The following CTNNA3 variants were observed in gnomAD, a reference collection of about 807,000 sequenced individuals.
CTNNA3 encodes catenin alpha 3.
In CTNNA3, 76 loss-of-function variants were observed where a neutral mutation model predicts 95.7. That is an observed-to-expected ratio of 0.79 (90% confidence interval 0.66 to 0.96). The LOEUF (loss-of-function observed/expected upper bound fraction) is 0.96, where lower values mean the gene tolerates loss of function less well. Ranked by LOEUF, CTNNA3 falls within the 40% of genes least tolerant of loss-of-function variation. The pLI, the probability that CTNNA3 is intolerant of heterozygous loss-of-function variation, is 0.00. For synonymous variants in CTNNA3, 431 were observed against 374.4 expected (o/e 1.15, Z -1.74); for missense variants, 1,191 against 1,089.8 (o/e 1.09, Z -1.31).
intron 11 of CTNNA3, among the ~76,000 whole-genome samples, chr10:66,473,360 C>G (rs1405366855): frequency 6.6e-6 from 1 of 151,840 alleles, no homozygotes; most frequent in Non-Finnish European, 1.5e-5. Context: ...CTGCCTTGCT[C>G]CTCATGCTTC....
intron 15 of CTNNA3, among the ~76,000 whole-genome samples, chr10:66,024,084 C>CTTTTTTTTTTTTTTT (rs1183185763): frequency 1.8e-4 from 11 of 62,678 alleles, no homozygotes; most frequent in East Asian, 5.9e-4. Flanking sequence ...ATACCATACA[C>CTTTTTTTTTTTTTTT]ATTTTTTTTT....
intron 7 of CTNNA3, among the ~76,000 whole-genome samples, chr10:66,830,487 G>T (rs1261796944): frequency 1.3e-5 from 2 of 152,108 alleles, no homozygotes; most frequent in Non-Finnish European, 2.9e-5. Flanking sequence ...GCAAAACTGG[G>T]GTTTAAATTC....
At chr10:65,942,112 T>C (rs1161565171) in intron 17 of CTNNA3, among the ~76,000 whole-genome samples, 5 of 152,362 alleles carry the variant, frequency 3.3e-5, no homozygotes, top group Middle Eastern at 6.8e-3. Flanking sequence ...TCTATACTTA[T>C]CTGTTCATGT....
intron 11 of CTNNA3, among the ~76,000 whole-genome samples, chr10:66,497,915 G>A (rs549551873): frequency 1.3e-5 from 2 of 152,182 alleles, no homozygotes; most frequent in South Asian, 2.1e-4. Flanking sequence ...GTCCACTAGC[G>A]ATTGGATTGT....
At chr10:67,658,217 C>G (rs553238085) in intron 1 of CTNNA3, among the ~76,000 whole-genome samples, 17 of 152,298 alleles carry the variant, frequency 1.1e-4, no homozygotes, top group Middle Eastern at 3.4e-3. Context: ...TCCTGAACAT[C>G]AGTTTCCTAA....
chr10:67,060,571 G>A lies in CTNNA3; in HGVS notation c.1047+119746C>T, dbSNP rs183491426. ...CACCAGATAACACATTCTAGTTCATGGGCACTAGTGGAAAGGATTTGTGTC... is the reference window on the plus strand; with the variant it reads ...CACCAGATAACACATTCTAGTTCATAGGCACTAGTGGAAAGGATTTGTGTC... On this transcript the variant is annotated intron_variant, in intron 7 of 17. Transcript: ENST00000433211. Among the ~76,000 whole-genome samples the A allele has an allele frequency of 6.6e-5, 10 of 152,258 alleles. No homozygotes were observed. The East Asian group carries it at 1.7e-3, about 27-fold the overall frequency.
chr10:67,342,934 G>A lies in CTNNA3; in HGVS notation c.580-123064C>T, dbSNP rs1421329324. Among the ~76,000 whole-genome samples, 4 of 151,956 alleles carry A rather than the reference G, an allele frequency of 2.6e-5. No individual in the cohort carries two copies. In the East Asian group the frequency reaches 7.7e-4, roughly 29 times the overall value. On this transcript the variant is annotated intron_variant, in intron 5 of 17. Coordinates refer to ENST00000433211, the MANE Select transcript of CTNNA3 (RefSeq NM_013266.4). ...TTTTTGGATGGCTTTGGCTGTTCTG[G>A]CTCTTTCGTGGTTCCACATAATTTT... is the stretch of plus-strand genomic sequence containing the variant.
At chr10:66,703,546 G>A (rs576503033) in intron 9 of CTNNA3, among the ~76,000 whole-genome samples, 1 of 152,278 alleles carries the variant, frequency 6.6e-6, no homozygotes, top group African/African-American at 2.4e-5. Flanking sequence ...GTAACCTTGA[G>A]CCTCTGGTAT....
intron 5 of CTNNA3, among the ~76,000 whole-genome samples, chr10:67,514,437 A>T (rs1427511718): frequency 6.6e-6 from 1 of 152,218 alleles, no homozygotes; most frequent in African/African-American, 2.4e-5. Flanking sequence ...CTTAGTAGTG[A>T]AAGATTACCT....
At chr10:67,149,466 T>G (rs1860991651) in intron 7 of CTNNA3, among the ~76,000 whole-genome samples, 1 of 152,006 alleles carries the variant, frequency 6.6e-6, no homozygotes. Flanking sequence ...GCGCCTGTAG[T>G]CCCAGCTTCT....
chr10:67,559,237 C>G (rs982415591), intron 3 of CTNNA3, among the ~76,000 whole-genome samples: 1 of 152,198 alleles, frequency 6.6e-6, no homozygotes, highest in African/African-American at 2.4e-5. Flanking sequence ...GGGAGGCAAC[C>G]CCCAGTAGGG....
chr10:67,370,881 T>C (rs1224140860), intron 5 of CTNNA3, among the ~76,000 whole-genome samples: 1 of 150,626 alleles, frequency 6.6e-6, no homozygotes, highest in Non-Finnish European at 1.5e-5. Flanking sequence ...TTTTTTTTTT[T>C]TTTGAGACAG....
chr10:66,213,085 T>A (rs1181922125), intron 13 of CTNNA3, among the ~76,000 whole-genome samples: 1 of 152,220 alleles, frequency 6.6e-6, no homozygotes, highest in Non-Finnish European at 1.5e-5. Context: ...CATATTAATG[T>A]ATTACATTTA....
At chr10:66,697,530 T>C (rs574741998) in intron 9 of CTNNA3, among the ~76,000 whole-genome samples, 2 of 152,016 alleles carry the variant, frequency 1.3e-5, no homozygotes, top group African/African-American at 4.8e-5. Context: ...ACTGAAAAAC[T>C]ACATCATAAA....
intron 15 of CTNNA3, among the ~76,000 whole-genome samples, chr10:66,049,994 G>C (rs10996858): frequency 3.0e-4 from 45 of 152,068 alleles, no homozygotes; most frequent in African/African-American, 1.0e-3. Flanking sequence ...ACACAAAAAA[G>C]AGAGAAATGT....
intron 5 of CTNNA3, among the ~76,000 whole-genome samples, chr10:67,381,403 T>A (rs908602248): frequency 1.3e-5 from 2 of 152,152 alleles, no homozygotes; most frequent in Non-Finnish European, 2.9e-5. Flanking sequence ...GACTCTATTT[T>A]GTGTTTCATA....
At chr10:66,809,675 A>G (rs1259226294) in intron 7 of CTNNA3, among the ~76,000 whole-genome samples, 1 of 152,206 alleles carries the variant, frequency 6.6e-6, no homozygotes, top group Admixed American at 6.5e-5. Flanking sequence ...TGTGTCTTAT[A>G]TTAAAGGATC....
intron 7 of CTNNA3, among the ~76,000 whole-genome samples, chr10:67,005,445 C>T (rs1172474560): frequency 6.6e-6 from 1 of 151,956 alleles, no homozygotes; most frequent in Middle Eastern, 3.2e-3. Context: ...TTATTTCTTT[C>T]TTCACCTGTT....
chr10:67,335,230 G>A (rs74142486), intron 5 of CTNNA3, among the ~76,000 whole-genome samples: 2,765 of 152,266 alleles, frequency 0.018, 87 homozygotes, highest in African/African-American at 0.06. Context: ...GAGTGTGGGA[G>A]TGTGTGTATG....
Sources: allele counts gnomAD v4.1 joint callset (sites outside exome capture counted in the v4.1 genomes callset), GRCh38; gene constraint gnomAD v4.1.1; transcripts MANE v1.5; gene names NCBI Gene and HGNC (gene_info 2026-07-23, HGNC 2026-07-21).